The following CDH23 variants were observed in gnomAD, a reference collection of about 807,000 sequenced individuals.
The protein encoded by CDH23 is cadherin related 23, also known as cadherin-23.
A neutral mutation model predicts 317.1 loss-of-function variants in CDH23; 189 were observed. The ratio of observed to expected loss-of-function variants is 0.60; its 90% confidence interval spans 0.53 to 0.67. CDH23 has a LOEUF of 0.67. CDH23 is among the 30% of genes least tolerant of loss of function. The pLI is 0.00. For missense variants in CDH23, 4,401 were observed against 4,592.4 expected (o/e 0.96, Z 1.20); for synonymous variants, 1,839 against 1,876.8 (o/e 0.98, Z 0.52).
intron 38 of CDH23, among the ~76,000 whole-genome samples, chr10:71,742,643 T>C (rs1433457788): frequency 6.6e-6 from 1 of 152,218 alleles, no homozygotes; most frequent in Non-Finnish European, 1.5e-5. Context: ...ATATCGCTTT[T>C]GTCATCTGCA....
At chr10:71,590,961 G>A (rs1238197010) in intron 9 of CDH23, among the ~76,000 whole-genome samples, 1 of 151,730 alleles carries the variant, frequency 6.6e-6, no homozygotes, top group Non-Finnish European at 1.5e-5. Context: ...TCAGCATGTG[G>A]TTGGCAAGGT....
At chr10:71,810,641 G>C (rs930635682) in intron 62 of CDH23, 72 bp downstream of exon 62, 1 of 1,391,310 alleles carries the variant, frequency 7.2e-7, no homozygotes, top group African/African-American at 1.4e-5. Flanking sequence ...GTAGGGGAGG[G>C]GACACACCAA....
intron 44 of CDH23, 66 bp downstream of exon 44, chr10:71,785,804 AC>A: frequency 1.0e-6 from 1 of 964,800 alleles, no homozygotes; most frequent in South Asian, 1.4e-5. Context: ...AGAACACATC[AC>A]CCCTCCTGCA....
chr10:71,489,876 C>A (rs1344386542), intron 3 of CDH23, among the ~76,000 whole-genome samples: 2 of 152,054 alleles, frequency 1.3e-5, no homozygotes, highest in African/African-American at 4.8e-5. Context: ...CCTTAAGAGT[C>A]ACGTTCCCCT....
At chr10:71,473,950 C>T (rs569622324) in intron 3 of CDH23, among the ~76,000 whole-genome samples, 2 of 152,376 alleles carry the variant, frequency 1.3e-5, no homozygotes, top group Non-Finnish European at 2.9e-5. Flanking sequence ...CCTTGGAGAG[C>T]TGGCGCCGAC....
intron 14 of CDH23, among the ~76,000 whole-genome samples, chr10:71,667,029 G>C (rs556045306): frequency 6.6e-6 from 1 of 152,212 alleles, no homozygotes; most frequent in Non-Finnish European, 1.5e-5. Flanking sequence ...ATTGTACCGC[G>C]TGCCCTTCTC....
intron 9 of CDH23, among the ~76,000 whole-genome samples, chr10:71,580,058 C>A (rs564810600): frequency 2.6e-5 from 4 of 152,310 alleles, no homozygotes; most frequent in Non-Finnish European, 5.9e-5. Flanking sequence ...CTGCAGAGAC[C>A]CTGTGAGCCC....
At chr10:71,766,085 T>G (rs1228402536) in intron 38 of CDH23, among the ~76,000 whole-genome samples, 1 of 152,210 alleles carries the variant, frequency 6.6e-6, no homozygotes, top group Non-Finnish European at 1.5e-5. Flanking sequence ...GGACTCCACA[T>G]CTGTGCACAT....
chr10:71,525,912 C>A (rs1855014885), intron 6 of CDH23, among the ~76,000 whole-genome samples: 1 of 152,238 alleles, frequency 6.6e-6, no homozygotes, highest in Admixed American at 6.5e-5. Context: ...TCTACTCACT[C>A]ACCAAACATT....
intron 1 of CDH23, among the ~76,000 whole-genome samples, chr10:71,437,767 G>A (rs143256979): frequency 7.2e-4 from 109 of 152,264 alleles, no homozygotes; most frequent in Middle Eastern, 3.4e-3. Context: ...TTTTCATTGA[G>A]AAAAATCAGA....
At chr10:71,712,553 T>C in intron 27 of CDH23, 112 bp from the exon 28 acceptor site, 1 of 1,239,562 alleles carries the variant, frequency 8.1e-7, no homozygotes, top group Non-Finnish European at 1.1e-6. Flanking sequence ...CTAGGGCAGA[T>C]GGGGCGGAAC....
chr10:71,807,247 C>G, intron 57 of CDH23, 30 bp from the exon 58 acceptor site: 9 of 1,609,464 alleles, frequency 5.6e-6, no homozygotes, highest in Non-Finnish European at 7.6e-6. Context: ...TCCCTTGGCC[C>G]CATGTGATGA....
chr10:71,744,237 T>G (rs60200069), intron 38 of CDH23, among the ~76,000 whole-genome samples: 72,442 of 151,908 alleles, frequency 0.48, 18,461 homozygotes, highest in Non-Finnish European at 0.58. Flanking sequence ...TCTGACAGCA[T>G]TTGCCACACT....
intron 14 of CDH23, among the ~76,000 whole-genome samples, chr10:71,672,243 T>A (rs903073433): frequency 1.3e-5 from 2 of 152,014 alleles, no homozygotes; most frequent in African/African-American, 4.8e-5. Context: ...CTACACGTGG[T>A]CCAGTCTGGG....
intron 3 of CDH23, among the ~76,000 whole-genome samples, chr10:71,461,751 C>T (rs1850999977): frequency 6.6e-6 from 1 of 152,240 alleles, no homozygotes; most frequent in African/African-American, 2.4e-5. Context: ...CTCACCCCCA[C>T]TTTATAATGA....
chr10:71,560,602 C>T (rs1214840754), intron 6 of CDH23, among the ~76,000 whole-genome samples: 1 of 152,094 alleles, frequency 6.6e-6, no homozygotes, highest in Non-Finnish European at 1.5e-5. Context: ...TTTCTCTGAC[C>T]TTCCATTTTC....
intron 9 of CDH23, among the ~76,000 whole-genome samples, chr10:71,605,910 A>G (rs1403162740): frequency 6.6e-6 from 1 of 152,154 alleles, no homozygotes; most frequent in Non-Finnish European, 1.5e-5. Flanking sequence ...TTTTCAGGAA[A>G]TAGGTTCTTA....
intron 12 of CDH23, among the ~76,000 whole-genome samples, chr10:71,645,008 A>G (rs1417324782): frequency 1.3e-5 from 2 of 152,232 alleles, no homozygotes; most frequent in African/African-American, 4.8e-5. Flanking sequence ...ACCTTCAGCC[A>G]TGTCTCCTCC....
intron 30 of CDH23, among the ~76,000 whole-genome samples, chr10:71,728,696 C>T (rs1318308508): frequency 6.6e-6 from 1 of 152,204 alleles, no homozygotes; most frequent in Non-Finnish European, 1.5e-5. Flanking sequence ...TGGCAAGTTC[C>T]TACCGGCCCC....
Sources: allele counts gnomAD v4.1 joint callset (sites outside exome capture counted in the v4.1 genomes callset), GRCh38; gene constraint gnomAD v4.1.1; transcripts MANE v1.5; gene names NCBI Gene and HGNC (gene_info 2026-07-23, HGNC 2026-07-21).